The following VWCE variants were observed in gnomAD, a reference collection of about 807,000 sequenced individuals.
VWCE encodes the protein von Willebrand factor C and EGF domain-containing protein.
Under a neutral mutation model 102.9 loss-of-function variants are expected in VWCE, and 68 were observed. The ratio of observed to expected loss-of-function variants is 0.66; its 90% CI spans 0.54 to 0.81. The LOEUF (loss-of-function observed/expected upper bound fraction) is 0.81. Ranked by LOEUF, VWCE falls within the 30% of genes least tolerant of loss-of-function variation. The pLI is 0.00. For synonymous variants in VWCE, 497 were observed against 515.4 expected (o/e 0.96, Z 0.48); for missense variants, 1,137 against 1,263.6 (o/e 0.90, Z 1.52).
At position 61,281,929 on chromosome 11, in the gene VWCE, C is replaced by T. The variant is rs1422060666; in HGVS notation, c.659-15G>A. On this transcript the variant is annotated splice_polypyrimidine_tract_variant and intron_variant, in intron 6 of 19. Coordinates refer to ENST00000335613, the MANE Select transcript of VWCE (RefSeq NM_152718.2). Reference sequence around the variant, plus strand: ...CTCGTTTACATCTGCGGGAGAGCCTCGCTGCGGACAGCTGCTTTGTTTGGG... The same window carrying T: ...CTCGTTTACATCTGCGGGAGAGCCTTGCTGCGGACAGCTGCTTTGTTTGGG... The T allele has an allele frequency of 2.5e-6, 4 of 1,607,260 alleles. No homozygotes were observed. Among genetic ancestry groups the T allele is most frequent in the East Asian group, 4.5e-5 (2 of 44,688 alleles).
In VWCE at chr11:61,264,507, T is replaced by A. The variant is rs542324477; in HGVS notation, c.2210A>T (p.Asp737Val). 5 of 1,613,506 alleles carry A rather than the reference T, an allele frequency of 3.1e-6. No homozygotes were observed. In the South Asian group the frequency reaches 4.4e-5, roughly 14 times the overall value. The change falls in exon 19 of 20, where the codon GAC becomes GTC. Residue 737 changes from aspartate (D) to valine (V), a missense_variant. By Grantham distance (152) the Asp-to-Val change is radical (BLOSUM62 -3). Around this residue, in one of 5 missense-constraint regions of VWCE, gnomAD observed 316 missense variants for 319.3 expected, o/e 0.99. Coordinates refer to ENST00000335613, the MANE Select transcript of VWCE (RefSeq NM_152718.2). ...ACADPALLPG[D>V]CCSSCPDSLS... The stretch of plus-strand genomic sequence containing the variant: ...CTTACCTGGACAGGAAGAGCAGCAG[T>A]CCCCAGGAAGCAGGGCAGGGTCGGC...
chr11:61,280,206 C>T (rs1328750697), intron 9 of VWCE, among the ~76,000 whole-genome samples: 1 of 152,126 alleles, frequency 6.6e-6, no homozygotes, highest in East Asian at 1.9e-4. Context: ...GAAACAACTA[C>T]TCCTCCGCCT....
chr11:61,276,140 G>C (rs1024253184), intron 11 of VWCE, among the ~76,000 whole-genome samples: 6 of 152,204 alleles, frequency 3.9e-5, no homozygotes, highest in South Asian at 2.1e-4. Context: ...GAGCTCGGGG[G>C]CTCATGCCTG....
intron 18 of VWCE, 89 bp from the exon 19 acceptor site, chr11:61,264,666 A>T (rs1854458497): frequency 6.6e-6 from 9 of 1,367,430 alleles, no homozygotes; most frequent in Non-Finnish European, 9.2e-6. Flanking sequence ...CACCAGCAGC[A>T]GGACCCACGG....
At position 61,282,779 on chromosome 11, in the gene VWCE, C is replaced by G; in HGVS notation, c.658+10G>C. 6.2e-7 allele frequency: 1 copy of G among 1,612,218 alleles called. No homozygotes were observed. Among genetic ancestry groups the G allele is most frequent in the South Asian group, 1.1e-5 (1 of 91,022 alleles). On this transcript the variant is annotated intron_variant, in intron 6 of 19. Transcript: ENST00000335613. ...TAAGTGTGCAGACCACAGGGTCCTC[C>G]CCGCCTTACCTACACAGGAGTGCCG...
At chr11:61,273,650 A>C in intron 12 of VWCE, 3 of 263,406 alleles carry the variant, frequency 1.1e-5, no homozygotes, top group Non-Finnish European at 2.2e-5. Flanking sequence ...CAAAGCCCTC[A>C]ATGCAGCTGG....
chr11:61,259,768 G>A (rs1475329689), intron 19 of VWCE, among the ~76,000 whole-genome samples: 3 of 152,124 alleles, frequency 2.0e-5, no homozygotes, highest in African/African-American at 4.8e-5. Flanking sequence ...AGGCATATGG[G>A]AACTCTCTGT....
chr11:61,267,630 G>T, intron 15 of VWCE, 86 bp from the exon 16 acceptor site: 1 of 1,306,804 alleles, frequency 7.7e-7, no homozygotes, highest in Non-Finnish European at 1.1e-6. Flanking sequence ...AGGCTTATCT[G>T]GATGGCAAAG....
chr11:61,278,151 G>A (rs932701154), intron 10 of VWCE, among the ~76,000 whole-genome samples: 7 of 152,288 alleles, frequency 4.6e-5, no homozygotes, highest in African/African-American at 7.2e-5. Context: ...CTAAACAGAC[G>A]GACCCTGTGT....
Position 61,271,829 on chromosome 11 carries a change from C to A in VWCE, c.1700-69G>T, listed in dbSNP as rs1009882254. 4 of 1,381,050 alleles carry A rather than the reference C, an allele frequency of 2.9e-6. No homozygotes were observed. The African/African-American group carries it at 5.7e-5, about 20-fold the overall frequency. 85.5% of individuals were successfully genotyped at this position (1,381,050 alleles called of 1,614,324 possible). On this transcript the variant is annotated intron_variant, in intron 13 of 19. Coordinates refer to ENST00000335613, the MANE Select transcript of VWCE (RefSeq NM_152718.2). ...ACTACAACAGCAGCAAGGACAGATG[C>A]CTCATGCGCACAAACACACACAGAC...
chr11:61,277,692 C>A (rs1854970199), intron 10 of VWCE, among the ~76,000 whole-genome samples: 1 of 152,116 alleles, frequency 6.6e-6, no homozygotes. Flanking sequence ...CCTCAAATCC[C>A]AGCTCTGCCA....
intron 5 of VWCE, among the ~76,000 whole-genome samples, chr11:61,284,858 G>A (rs1448260514): frequency 6.6e-6 from 1 of 151,978 alleles, no homozygotes; most frequent in Non-Finnish European, 1.5e-5. Flanking sequence ...TTGGAGGATC[G>A]CTTGAACCCA....
chr11:61,289,035 C>T (rs1855418159), intron 4 of VWCE, among the ~76,000 whole-genome samples: 1 of 151,784 alleles, frequency 6.6e-6, no homozygotes, highest in Non-Finnish European at 1.5e-5. Flanking sequence ...GACGGGGTTT[C>T]ACCATGTTGG....
rs941493980 is a variant in VWCE, at chr11:61,295,143, C to T, written c.-106G>A. ...CCTCCTGGCGCCGTGGGGAGCGAAC[C>T]AGCGATCCCCGAAATGGCACGCAGA... On this transcript the variant is annotated 5_prime_UTR_variant, in exon 1 of 20. Coordinates refer to ENST00000335613, the MANE Select transcript of VWCE (RefSeq NM_152718.2). This position sits in a 1 kb window ranked among gnomAD's most constrained non-coding sequence, Gnocchi z 4.6. 4 of 653,242 alleles carry T rather than the reference C, an allele frequency of 6.1e-6. No individual in the cohort carries two copies. The highest frequency in any genetic ancestry group is 8.9e-6 in the Non-Finnish European group (4 of 451,800). The allele number at this position is 653,242 out of a possible 1,614,324, so 40.5% of individuals were successfully genotyped here. A position where few individuals can be genotyped will look rare whatever the true frequency, so the allele number is the denominator to read the frequency against.
intron 4 of VWCE, among the ~76,000 whole-genome samples, chr11:61,289,249 A>AT (rs1337366065): frequency 1.3e-5 from 2 of 151,294 alleles, no homozygotes; most frequent in South Asian, 2.1e-4. Flanking sequence ...CTAAAAAAAA[A>AT]TTTTTTTTCT....
chr11:61,268,865 G>A (rs1854587596), intron 15 of VWCE, 57 bp downstream of exon 15: 2 of 1,564,976 alleles, frequency 1.3e-6, no homozygotes, highest in African/African-American at 1.4e-5. Context: ...AGGGCTTAAG[G>A]AGCCCGATGC....
chr11:61,270,211 G>A (rs899378328), intron 14 of VWCE, among the ~76,000 whole-genome samples: 3 of 152,102 alleles, frequency 2.0e-5, no homozygotes, highest in Middle Eastern at 3.2e-3. Flanking sequence ...GAGCCACCGC[G>A]CCCGGCCCAG....
intron 9 of VWCE, among the ~76,000 whole-genome samples, chr11:61,278,994 G>T (rs891556073): frequency 6.6e-6 from 1 of 151,392 alleles, no homozygotes; most frequent in Non-Finnish European, 1.5e-5. Flanking sequence ...AGCCGAGATC[G>T]CGCCACTGCA....
intron 7 of VWCE, 81 bp downstream of exon 7, chr11:61,281,705 G>A: frequency 2.0e-6 from 3 of 1,480,938 alleles, no homozygotes; most frequent in Non-Finnish European, 2.7e-6. Context: ...ACGGGGAGGG[G>A]CCAGGCTATG....
Sources: gnomAD v4.1 joint callset for allele counts (sites outside exome capture counted in the v4.1 genomes callset) on GRCh38, gnomAD v4.1.1 for gene constraint, gnomAD v4.1.1 regional missense constraint, Gnocchi (gnomAD v3.1) non-coding constraint, MANE v1.5 for transcripts, NCBI Gene and HGNC (gene_info 2026-07-23, HGNC 2026-07-21) for gene names.